The following PECAM1 variants were observed in gnomAD, a reference collection of about 807,000 sequenced individuals.
The protein encoded by PECAM1 is platelet endothelial cell adhesion molecule.
A neutral mutation model predicts 13.8 loss-of-function variants in PECAM1; 8 were observed. The ratio of observed to expected loss-of-function variants is 0.58; its 90% CI spans 0.34 to 1.05. The LOEUF (loss-of-function observed/expected upper bound fraction) is 1.05. Ranked by LOEUF, PECAM1 falls within the 50% of genes least tolerant of loss-of-function variation. The probability of loss-of-function intolerance (pLI) is 0.03; values close to 1 mark genes in which losing one functional copy is unlikely to be tolerated. For missense variants in PECAM1, 304 were observed against 141.2 expected, an observed-to-expected ratio of 2.15 and a Z score of -5.84; for synonymous variants, 136 against 52.6, an observed-to-expected ratio of 2.58 and a Z score of -6.86.
In PECAM1 at chr17:64,322,710, G is replaced by A. The variant is rs782767904; in HGVS notation, c.*1106C>T. On this transcript the variant is annotated 3_prime_UTR_variant, in exon 16 of 16. Coordinates refer to ENST00000563924, the MANE Select transcript of PECAM1 (RefSeq NM_000442.5). Reference sequence around the variant, plus strand: ...CCTCAGGAGACCACTTCTTTAGCAAGCAATTTTGTTTTTTGTTTTTTTTGA... The same window carrying A: ...CCTCAGGAGACCACTTCTTTAGCAAACAATTTTGTTTTTTGTTTTTTTTGA... The A allele has an allele frequency of 9.0e-5, 86 of 960,876 alleles. No homozygotes were observed. The highest frequency in any genetic ancestry group is 5.4e-4 in the Middle Eastern group (1 of 1,858). The allele number at this position is 960,876 out of a possible 1,614,324, so 59.5% of individuals were successfully genotyped here.
intron 15 of PECAM1, among the ~76,000 whole-genome samples, chr17:64,326,165 C>A (rs1189349185): frequency 6.6e-6 from 1 of 152,170 alleles, no homozygotes; most frequent in East Asian, 1.9e-4. Flanking sequence ...GAGGGGGGCC[C>A]TGGGCAACAG....
At chr17:64,361,899 T>C (rs1047586168) in intron 6 of PECAM1, among the ~76,000 whole-genome samples, 5 of 151,634 alleles carry the variant, frequency 3.3e-5, no homozygotes, top group Non-Finnish European at 7.4e-5. Flanking sequence ...GAACAAAAAA[T>C]AAAATAAAAC....
chr17:64,361,753 C>CAAAAAAAAAAAAAAAA (rs61144320), intron 6 of PECAM1, among the ~76,000 whole-genome samples: 2 of 68,134 alleles, frequency 2.9e-5, no homozygotes, highest in Non-Finnish European at 2.5e-5. Flanking sequence ...AACTCCATCT[C>CAAAAAAAAAAAAAAAA]AAAAAAAAAA....
intron 14 of PECAM1, among the ~76,000 whole-genome samples, chr17:64,339,986 C>T (rs2035383971): frequency 6.6e-6 from 1 of 152,094 alleles, no homozygotes; most frequent in African/African-American, 2.4e-5. Flanking sequence ...CTCATCTCTA[C>T]CAAAAATACA....
intron 14 of PECAM1, among the ~76,000 whole-genome samples, chr17:64,337,263 T>G (rs1385814833): frequency 6.6e-6 from 1 of 152,066 alleles, no homozygotes; most frequent in African/African-American, 2.4e-5. Context: ...GAGACAAGGT[T>G]GTAGAGCGAC....
rs1475007922 is a variant in PECAM1 at position 64,322,314 on chromosome 17, A to C, written c.*1502T>G. 1.0e-5 allele frequency: 6 copies of C among 602,464 alleles called. No homozygotes were observed. Among genetic ancestry groups the C allele is most frequent in the Non-Finnish European group, 1.3e-5 (6 of 479,492 alleles). 37.3% of individuals were successfully genotyped at this position (602,464 alleles called of 1,614,324 possible). Reference sequence around the variant, plus strand: ...GACAGGAGAACTGCTTGAACCCAGGAGGCGGAGGTTGCAGTGAGCAGAGGT... The same window carrying C: ...GACAGGAGAACTGCTTGAACCCAGGCGGCGGAGGTTGCAGTGAGCAGAGGT... On this transcript the variant is annotated 3_prime_UTR_variant, in exon 16 of 16. Coordinates refer to ENST00000563924, the MANE Select transcript of PECAM1 (RefSeq NM_000442.5).
In PECAM1 at chr17:64,353,392, G is replaced by C. The variant is rs980620793; in HGVS notation, c.1916+99C>G. On this transcript the variant is annotated intron_variant, in intron 10 of 15. Transcript: ENST00000563924. ...GGAAGGCCTATATTTTTCTAAGTTT[G>C]CCAAGAGCCACTGAAAACTTCCTAA... 143 of 413,376 alleles carry C rather than the reference G, an allele frequency of 3.5e-4. 1 individual carries two copies. Among genetic ancestry groups the C allele is most frequent in the East Asian group, 3.3e-3 (94 of 28,100 alleles). 25.6% of individuals were successfully genotyped at this position (413,376 alleles called of 1,614,324 possible).
At chr17:64,362,837 CAAAA>C (rs1196660765) in intron 6 of PECAM1, among the ~76,000 whole-genome samples, 2 of 143,468 alleles carry the variant, frequency 1.4e-5, no homozygotes. Context: ...CGACACGTCT[CAAAA>C]AAAAAAAAAA....
chr17:64,373,277 G>A (rs2036283545), intron 4 of PECAM1, among the ~76,000 whole-genome samples: 2 of 152,126 alleles, frequency 1.3e-5, no homozygotes, highest in South Asian at 2.1e-4. Flanking sequence ...CTGCAGGATT[G>A]TTGTAATAGC....
At chr17:64,367,865 T>C (rs1263005002) in intron 5 of PECAM1, among the ~76,000 whole-genome samples, 1 of 152,122 alleles carries the variant, frequency 6.6e-6, no homozygotes, top group Non-Finnish European at 1.5e-5. Flanking sequence ...CCATGAGCCA[T>C]CAAAATATAA....
At chr17:64,379,615 G>T (rs2036437118) in intron 2 of PECAM1, among the ~76,000 whole-genome samples, 1 of 152,096 alleles carries the variant, frequency 6.6e-6, no homozygotes, top group African/African-American at 2.4e-5. Flanking sequence ...CTTCCCTGTG[G>T]TTGTCTTTTC....
rs1441994762 is a variant in PECAM1, at chr17:64,322,138, G to A, written c.*1678C>T. On this transcript the variant is annotated 3_prime_UTR_variant, in exon 16 of 16. Transcript: ENST00000563924. ...CAATCCCAACCCAAAGGCCTGTGGA[G>A]CACACATGAGGACAAGGCGGGCAGA... is the stretch of plus-strand genomic sequence containing the variant. 6.0e-6 allele frequency: 6 copies of A among 1,001,042 alleles called. No individual in the cohort carries two copies. In the African/African-American group the frequency reaches 1.0e-4, roughly 17 times the overall value. 62.0% of individuals were successfully genotyped at this position (1,001,042 alleles called of 1,614,324 possible). A position where few individuals can be genotyped will look rare whatever the true frequency, so the allele number is the denominator to read the frequency against.
At chr17:64,346,520 G>C (rs1256743389) in intron 13 of PECAM1, among the ~76,000 whole-genome samples, 1 of 152,082 alleles carries the variant, frequency 6.6e-6, no homozygotes, top group African/African-American at 2.4e-5. Flanking sequence ...ATTTTTAGTA[G>C]AGACAGGGTT....
intron 13 of PECAM1, among the ~76,000 whole-genome samples, chr17:64,346,337 G>A (rs2035569234): frequency 6.6e-6 from 1 of 151,656 alleles, no homozygotes; most frequent in Non-Finnish European, 1.5e-5. Context: ...GTTAGGAGAT[G>A]CATTTTTAAT....
intron 14 of PECAM1, among the ~76,000 whole-genome samples, chr17:64,336,215 G>A (rs1404301082): frequency 6.6e-6 from 1 of 151,442 alleles, no homozygotes; most frequent in Admixed American, 6.6e-5. Flanking sequence ...GCAGTGAGCT[G>A]CGATCGCGCC....
chr17:64,380,473 A>AT (rs1228346503), intron 2 of PECAM1, among the ~76,000 whole-genome samples: 6 of 152,166 alleles, frequency 3.9e-5, no homozygotes, highest in African/African-American at 1.2e-4. Context: ...TACCATGCCC[A>AT]TTCTCAAGGA....
At position 64,361,129 on chromosome 17, in the gene PECAM1, A is replaced by ATGTGTGTGTGTGTGTGTGTGTGTGTG. The variant is rs145637288; in HGVS notation, c.1217-740_1217-715dup. On this transcript the variant is annotated intron_variant, in intron 6 of 15. Coordinates refer to ENST00000563924, the MANE Select transcript of PECAM1 (RefSeq NM_000442.5). ...AGCCACCACACCTGGCTGAGCATAT[A>ATGTGTGTGTGTGTGTGTGTGTGTGTG]TGTGTGTGTGTGTGTGTGTGTGTGT... is the stretch of plus-strand genomic sequence containing the variant. Among the ~76,000 whole-genome samples the ATGTGTGTGTGTGTGTGTGTGTGTGTG allele has an allele frequency of 2.6e-3, 363 of 137,232 alleles. 4 individuals carry two copies. The highest frequency in any genetic ancestry group is 9.8e-3 in the African/African-American group (348 of 35,502). The allele number at this position is 137,232 out of a possible 152,430, so 90.0% of individuals were successfully genotyped here.
At position 64,322,819 on chromosome 17, in the gene PECAM1, G is replaced by A. The variant is rs1567994913; in HGVS notation, c.*997C>T. On this transcript the variant is annotated 3_prime_UTR_variant, in exon 16 of 16. Transcript: ENST00000563924. The stretch of plus-strand genomic sequence containing the variant: ...CAACCTCCGTTTCCTGGGTTCAAGC[G>A]ATAATCTCACCTCAGCCTCTTGAGT... 4.4e-6 allele frequency: 2 copies of A among 454,660 alleles called. No individual in the cohort carries two copies. The highest frequency in any genetic ancestry group is 5.8e-6 in the Non-Finnish European group (2 of 344,846). The allele number at this position is 454,660 out of a possible 1,614,324, so 28.2% of individuals were successfully genotyped here.
intron 14 of PECAM1, among the ~76,000 whole-genome samples, chr17:64,331,967 A>G (rs922448255): frequency 7.9e-5 from 12 of 152,250 alleles, no homozygotes; most frequent in African/African-American, 2.7e-4. Context: ...CCCAGCCCCA[A>G]GCTCACATAC....
Sources: allele counts gnomAD v4.1 joint callset (sites outside exome capture counted in the v4.1 genomes callset), GRCh38; gene constraint gnomAD v4.1.1; transcripts MANE v1.5; gene names NCBI Gene and HGNC (gene_info 2026-07-23, HGNC 2026-07-21).